The following TDRD3 variants were observed in gnomAD, a reference collection of about 807,000 sequenced individuals.
The protein encoded by TDRD3 is tudor domain containing 3.
TDRD3 carries 45 observed loss-of-function variants against 86.7 expected under a neutral mutation model. The observed-to-expected ratio is 0.52, with a 90% confidence interval of 0.41 to 0.67. The LOEUF (loss-of-function observed/expected upper bound fraction) is 0.67, where lower values mean the gene tolerates loss of function less well. TDRD3 is among the 30% of genes least tolerant of loss of function. TDRD3 has a pLI of 0.00. For synonymous variants in TDRD3, 298 were observed against 301.7 expected (o/e 0.99, Z 0.13); for missense variants, 814 against 889.0 (o/e 0.92, Z 1.07).
chr13:60,404,552 C>T (rs570654800), intron 1 of TDRD3, among the ~76,000 whole-genome samples: 59 of 151,834 alleles, frequency 3.9e-4, no homozygotes, highest in Admixed American at 1.4e-3. Context: ...CCTCGTGATC[C>T]GCCCGCCTCG....
chr13:60,417,196 G>A (rs965087959), intron 1 of TDRD3, among the ~76,000 whole-genome samples: 3 of 151,574 alleles, frequency 2.0e-5, no homozygotes, highest in Admixed American at 2.0e-4. Context: ...TTTTATTTTA[G>A]TAGAGATGGG....
At chr13:60,557,771 A>G (rs1053623044) in intron 12 of TDRD3, among the ~76,000 whole-genome samples, 11 of 147,636 alleles carry the variant, frequency 7.5e-5, no homozygotes, top group African/African-American at 2.2e-4. Flanking sequence ...TGTGGCATCA[A>G]TCTGGCCTGT....
chr13:60,480,006 C>T (rs1453442931), intron 5 of TDRD3, among the ~76,000 whole-genome samples: 1 of 151,998 alleles, frequency 6.6e-6, no homozygotes, highest in Non-Finnish European at 1.5e-5. Flanking sequence ...CATTCAGGGT[C>T]AATATTGATA....
chr13:60,564,356 G>A (rs560336326), intron 12 of TDRD3, among the ~76,000 whole-genome samples: 1 of 152,230 alleles, frequency 6.6e-6, no homozygotes, highest in East Asian at 1.9e-4. Context: ...GTCAAGGCGG[G>A]ACAACTTGAA....
intron 7 of TDRD3, among the ~76,000 whole-genome samples, chr13:60,488,677 T>A (rs1956508034): frequency 6.6e-6 from 1 of 151,940 alleles, no homozygotes. Flanking sequence ...AGGTTCAAGC[T>A]ATTCTCCAGC....
At chr13:60,498,944 G>T (rs1410230445) in intron 8 of TDRD3, among the ~76,000 whole-genome samples, 1 of 152,102 alleles carries the variant, frequency 6.6e-6, no homozygotes, top group Non-Finnish European at 1.5e-5. Context: ...GGTCCAGTGG[G>T]TACGCGGACT....
chr13:60,555,236 A>G (rs1958157712), intron 12 of TDRD3, among the ~76,000 whole-genome samples: 1 of 152,212 alleles, frequency 6.6e-6, no homozygotes, highest in Non-Finnish European at 1.5e-5. Context: ...ATATTGCACA[A>G]AATCAGCATT....
chr13:60,423,711 G>A (rs1250443181), intron 1 of TDRD3, among the ~76,000 whole-genome samples: 1 of 152,010 alleles, frequency 6.6e-6, no homozygotes, highest in African/African-American at 2.4e-5. Flanking sequence ...TGTAAAAGGA[G>A]AAATACAATT....
chr13:60,472,623 TA>T (rs1443109194), intron 5 of TDRD3, among the ~76,000 whole-genome samples: 1 of 152,124 alleles, frequency 6.6e-6, no homozygotes, highest in African/African-American at 2.4e-5. Context: ...CTCAAAAAAT[TA>T]AAAATAGAAT....
At chr13:60,546,374 G>A (rs1342539190) in intron 12 of TDRD3, among the ~76,000 whole-genome samples, 2 of 151,680 alleles carry the variant, frequency 1.3e-5, no homozygotes, top group African/African-American at 2.4e-5. Flanking sequence ...AATTAAGATG[G>A]GAAATTAAAA....
At position 60,541,955 on chromosome 13, in the gene TDRD3, G is replaced by A. The variant is rs563665296; in HGVS notation, c.2118+6722G>A. ...TTGGTCAGGCTGGTCTCGAACTCCC[G>A]ACCTCAGGTGATCCACCTGCCTCAG... On this transcript the variant is annotated intron_variant, in intron 12 of 13. Transcript: ENST00000377881. Among the ~76,000 whole-genome samples, 1,156 of 151,826 alleles carry A rather than the reference G, an allele frequency of 7.6e-3. 18 individuals carry two copies. Among genetic ancestry groups the A allele is most frequent in the African/African-American group, 0.027 (1,113 of 41,436 alleles).
chr13:60,429,589 C>A (rs1954901359), intron 1 of TDRD3, among the ~76,000 whole-genome samples: 1 of 152,098 alleles, frequency 6.6e-6, no homozygotes, highest in South Asian at 2.1e-4. Context: ...GAATAACTTA[C>A]TTTCTTATTG....
intron 1 of TDRD3, among the ~76,000 whole-genome samples, chr13:60,438,486 A>T (rs989086410): frequency 6.6e-6 from 1 of 152,024 alleles, no homozygotes; most frequent in East Asian, 1.9e-4. Flanking sequence ...ATAGTACCTC[A>T]TTTTGTTAAC....
intron 3 of TDRD3, among the ~76,000 whole-genome samples, chr13:60,446,980 A>G (rs1039593657): frequency 3.3e-5 from 5 of 152,204 alleles, no homozygotes; most frequent in Middle Eastern, 6.3e-3. Flanking sequence ...GAATCTGTGC[A>G]TAAGATACAG....
chr13:60,484,623 TA>T, intron 6 of TDRD3: 1 of 432,704 alleles, frequency 2.3e-6, no homozygotes, highest in Non-Finnish European at 4.6e-6. Flanking sequence ...CTCACTTAAA[TA>T]AGTCATTTTT....
intron 3 of TDRD3, among the ~76,000 whole-genome samples, chr13:60,457,169 C>A (rs1245922670): frequency 6.6e-6 from 1 of 152,118 alleles, no homozygotes; most frequent in South Asian, 2.1e-4. Context: ...CTGGTTTACT[C>A]ATAGAATATT....
At chr13:60,429,515 A>G (rs570085053) in intron 1 of TDRD3, among the ~76,000 whole-genome samples, 2 of 152,324 alleles carry the variant, frequency 1.3e-5, no homozygotes, top group South Asian at 2.1e-4. Context: ...TTGAACAAAA[A>G]CAATAGCAGT....
intron 8 of TDRD3, among the ~76,000 whole-genome samples, chr13:60,502,173 C>G (rs1161981853): frequency 6.6e-6 from 1 of 152,210 alleles, no homozygotes; most frequent in East Asian, 1.9e-4. Context: ...GGGCACCCTA[C>G]TCACTTTCAT....
chr13:60,487,156 C>T (rs1956458099), intron 7 of TDRD3, among the ~76,000 whole-genome samples: 1 of 152,080 alleles, frequency 6.6e-6, no homozygotes, highest in African/African-American at 2.4e-5. Context: ...ATTTATATAA[C>T]ATTTATACCA....
Sources: allele counts gnomAD v4.1 joint callset (sites outside exome capture counted in the v4.1 genomes callset), GRCh38; gene constraint gnomAD v4.1.1; transcripts MANE v1.5; gene names NCBI Gene and HGNC (gene_info 2026-07-23, HGNC 2026-07-21).